The following MAPK9 variants were observed in gnomAD, a reference collection of about 807,000 sequenced individuals.
MAPK9 encodes the protein Jun kinase.
A neutral mutation model predicts 57.1 loss-of-function variants in MAPK9; 30 were observed. The observed-to-expected ratio is 0.53, with a 90% confidence interval of 0.39 to 0.71. The LOEUF (loss-of-function observed/expected upper bound fraction) is 0.71. MAPK9 is among the 30% of genes least tolerant of loss of function. The pLI is 0.00. For synonymous variants in MAPK9, 155 were observed against 177.0 expected (o/e 0.88, Z 0.99); for missense variants, 362 against 521.0 (o/e 0.69, Z 2.97).
At chr5:180,287,209 T>G (rs1003061854) in intron 1 of MAPK9, 3 of 152,186 alleles carry the variant, frequency 2.0e-5, no homozygotes. Context: ...GAATCTTGAT[T>G]GTGGTAGTGG....
intron 5 of MAPK9, among the ~76,000 whole-genome samples, chr5:180,250,906 G>A (rs1758610899): frequency 6.6e-6 from 1 of 152,132 alleles, no homozygotes; most frequent in African/African-American, 2.4e-5. Context: ...CATTCAACCA[G>A]GGACGCTCCG....
intron 1 of MAPK9, among the ~76,000 whole-genome samples, chr5:180,284,616 C>A (rs1762584851): frequency 6.6e-6 from 1 of 152,214 alleles, no homozygotes; most frequent in Non-Finnish European, 1.5e-5. Flanking sequence ...AACTGCATAT[C>A]CTAAACTGGC....
intron 3 of MAPK9, among the ~76,000 whole-genome samples, 181 bp from the exon 4 acceptor site, chr5:180,265,020 G>A (rs776270414): frequency 5.3e-5 from 8 of 152,182 alleles, no homozygotes; most frequent in African/African-American, 9.6e-5. Flanking sequence ...TTAAAGGAAA[G>A]ATGCACTTTT....
At chr5:180,268,751 C>G (rs1046684558) in intron 3 of MAPK9, among the ~76,000 whole-genome samples, 1 of 150,964 alleles carries the variant, frequency 6.6e-6, no homozygotes, top group Non-Finnish European at 1.5e-5. Flanking sequence ...GGCATGAACC[C>G]GGGAGGTGGA....
At chr5:180,242,960 A>AT in intron 7 of MAPK9, 1 of 450,966 alleles carries the variant, frequency 2.2e-6, no homozygotes, top group Non-Finnish European at 3.9e-6. Flanking sequence ...TTCATAAACT[A>AT]TGATCACAGT....
chr5:180,267,547 G>A (rs1427603332), intron 3 of MAPK9, among the ~76,000 whole-genome samples: 4 of 130,296 alleles, frequency 3.1e-5, no homozygotes, highest in Admixed American at 8.7e-5. Context: ...GGGCGACAGA[G>A]CGAGACTCCG....
rs1431171046 is a variant in MAPK9 at position 180,233,560 on chromosome 5, T to C, written c.*2824A>G. 6.6e-6 allele frequency: 1 copy of C among 152,260 alleles called. No homozygotes were observed. The highest frequency in any genetic ancestry group is 1.5e-5 in the Non-Finnish European group (1 of 68,044). The allele number at this position is 152,260 out of a possible 1,614,324, so 9.4% of individuals were successfully genotyped here. On this transcript the variant is annotated 3_prime_UTR_variant, in exon 12 of 12. Coordinates refer to ENST00000452135, the MANE Select transcript of MAPK9 (RefSeq NM_002752.5). ...GTGATGGAGAAATATCTAATTGCCA[T>C]GTAAAAACACACAAAAATTGGACAT...
chr5:180,254,123 C>T (rs35857411), intron 5 of MAPK9, among the ~76,000 whole-genome samples: 43 of 152,264 alleles, frequency 2.8e-4, no homozygotes, highest in African/African-American at 8.9e-4. Context: ...CCTGCCACCA[C>T]GCCCAGCTAA....
At chr5:180,252,293 C>G (rs1333499282) in intron 5 of MAPK9, among the ~76,000 whole-genome samples, 1 of 152,166 alleles carries the variant, frequency 6.6e-6, no homozygotes, top group African/African-American at 2.4e-5. Context: ...CATGCCAGAC[C>G]TGAGGCCTTA....
In MAPK9 at chr5:180,247,535, A is replaced by G; in HGVS notation, c.617-25T>C. 6.3e-7 allele frequency: 1 copy of G among 1,594,108 alleles called. No homozygotes were observed. The highest frequency in any genetic ancestry group is 1.7e-5 in the Admixed American group (1 of 59,844). On this transcript the variant is annotated intron_variant, in intron 6 of 11. Coordinates refer to ENST00000452135, the MANE Select transcript of MAPK9 (RefSeq NM_002752.5). The surrounding 1 kb of genome is among the most constrained non-coding windows in gnomAD (Gnocchi z 4.5). ...ACTGAAAATAAAATGAAATGATAAAATTATGAAGTGCCATGAACAAAACAA... is the reference window on the plus strand; with the variant it reads ...ACTGAAAATAAAATGAAATGATAAAGTTATGAAGTGCCATGAACAAAACAA...
Position 180,250,318 on chromosome 5 carries a change from T to G in MAPK9, c.451-1180A>C, listed in dbSNP as rs371505135. On this transcript the variant is annotated intron_variant, in intron 5 of 11. Coordinates refer to ENST00000452135, the MANE Select transcript of MAPK9 (RefSeq NM_002752.5). ...TTTTCTTCCTGCTGATCCTCCACCC[T>G]AGCCCCTTCCTCAGGCCTTAGGAAT... is the stretch of plus-strand genomic sequence containing the variant. Among the ~76,000 whole-genome samples, 4 of 152,320 alleles carry G rather than the reference T, an allele frequency of 2.6e-5. No individual in the cohort carries two copies. In the East Asian group the frequency reaches 7.7e-4, roughly 29 times the overall value.
chr5:180,236,614 C>T (rs6601104), intron 11 of MAPK9, 88 bp from the exon 12 acceptor site: 575,379 of 1,441,804 alleles, frequency 0.4, 118,171 homozygotes, highest in African/African-American at 0.48. Context: ...TTTCTCGGCT[C>T]TGTCCTTTTG....
At chr5:180,267,475 T>C (rs1294871798) in intron 3 of MAPK9, among the ~76,000 whole-genome samples, 1 of 139,518 alleles carries the variant, frequency 7.2e-6, no homozygotes, top group Non-Finnish European at 1.5e-5. Flanking sequence ...GGCAGGAGAA[T>C]GGCGTGAACC....
Position 180,233,775 on chromosome 5 carries a change from G to A in MAPK9, c.*2609C>T, listed in dbSNP as rs1481330294. The A allele has an allele frequency of 2.6e-5, 4 of 152,228 alleles. No individual in the cohort carries two copies. The highest frequency in any genetic ancestry group is 9.6e-5 in the African/African-American group (4 of 41,460). 9.4% of individuals were successfully genotyped at this position (152,228 alleles called of 1,614,324 possible). A position where few individuals can be genotyped will look rare whatever the true frequency, so the allele number is the denominator to read the frequency against. ...AGAAATCAACCAGACAGACTCGTAC[G>A]TGGTTATCGCTACTTACACAGCATT... On this transcript the variant is annotated 3_prime_UTR_variant, in exon 12 of 12. Transcript: ENST00000452135.
In MAPK9 at chr5:180,241,350, T is replaced by C. The variant is rs935540734; in HGVS notation, c.872-195A>G. ...GACGGAGTCTCGCTCTGTCGCCCAA[T>C]GCAGTGGCGCAATCTTGGCTCACTG... On this transcript the variant is annotated intron_variant, in intron 8 of 11. Coordinates refer to ENST00000452135, the MANE Select transcript of MAPK9 (RefSeq NM_002752.5). 1.3e-5 allele frequency among the ~76,000 whole-genome samples: 2 copies of C among 151,532 alleles called. 1 individual carries two copies.
At chr5:180,253,669 T>C (rs1378431076) in intron 5 of MAPK9, 1 of 152,242 alleles carries the variant, frequency 6.6e-6, no homozygotes, top group Admixed American at 6.5e-5. Flanking sequence ...AGGCGCCGCA[T>C]GCACAGTCCT....
At chr5:180,239,866 G>T in intron 10 of MAPK9, 58 bp downstream of exon 10, 2 of 1,519,600 alleles carry the variant, frequency 1.3e-6, no homozygotes, top group Non-Finnish European at 1.8e-6. Context: ...AAAAGCCTCT[G>T]CTCTACAGGA....
chr5:180,280,670 G>A lies in MAPK9; in HGVS notation c.-47-62C>T, dbSNP rs557922065. On this transcript the variant is annotated intron_variant, in intron 1 of 11. Coordinates refer to ENST00000452135, the MANE Select transcript of MAPK9 (RefSeq NM_002752.5). ...GGAAGTACATACGCAGCTCACGTAAGAGAGTTCTGAACTTATTGGTATGTA... is the reference window on the plus strand; with the variant it reads ...GGAAGTACATACGCAGCTCACGTAAAAGAGTTCTGAACTTATTGGTATGTA... 58 of 1,343,806 alleles carry A rather than the reference G, an allele frequency of 4.3e-5. No homozygotes were observed. In the African/African-American group the frequency reaches 7.7e-4, roughly 18 times the overall value. 83.2% of individuals were successfully genotyped at this position (1,343,806 alleles called of 1,614,324 possible).
chr5:180,254,235 G>A (rs985854657), intron 5 of MAPK9, among the ~76,000 whole-genome samples: 1 of 152,222 alleles, frequency 6.6e-6, no homozygotes, highest in Non-Finnish European at 1.5e-5. Flanking sequence ...CCAAAGTGCT[G>A]GGATTACTGG....
Sources: gnomAD v4.1 joint callset for allele counts (sites outside exome capture counted in the v4.1 genomes callset) on GRCh38, gnomAD v4.1.1 for gene constraint, Gnocchi (gnomAD v3.1) non-coding constraint, MANE v1.5 for transcripts, NCBI Gene and HGNC (gene_info 2026-07-23, HGNC 2026-07-21) for gene names.